The following GALNT13 variants were observed in gnomAD, a reference collection of about 807,000 sequenced individuals.
The protein encoded by GALNT13 is polypeptide N-acetylgalactosaminyltransferase 13.
GALNT13 carries 28 observed loss-of-function variants against 64.2 expected under a neutral mutation model. The observed-to-expected ratio is 0.44, with a 90% CI of 0.32 to 0.60. The LOEUF is 0.60. Among genes scored for constraint, GALNT13 ranks in the 20% least tolerant of loss-of-function variants. The pLI is 0.05. For missense variants in GALNT13, 577 were observed against 669.8 expected (o/e 0.86, Z 1.53); for synonymous variants, 214 against 224.6 (o/e 0.95, Z 0.42).
chr2:154,216,800 CTCT>C (rs1372536833), intron 4 of GALNT13, among the ~76,000 whole-genome samples: 25 of 133,490 alleles, frequency 1.9e-4, no homozygotes, highest in Admixed American at 3.9e-4. Context: ...ATTTCTCTCT[CTCT>C]TTTTTTTTTT....
the GALNT13 span, among the ~76,000 whole-genome samples, chr2:153,476,264 C>T: frequency 6.6e-6 from 1 of 152,126 alleles, no homozygotes; most frequent in African/African-American, 2.4e-5. Context: ...ATCTTTGAGT[C>T]GTTAACATTG....
rs1558977098 is a variant in GALNT13 at position 154,133,537 on chromosome 2, TATATATATATATATATATA to T, written c.143-6799_143-6781del. On this transcript the variant is annotated intron_variant, in intron 3 of 12. Transcript: ENST00000392825. ...TTCAGTAACATAACAGACCATTTTA[TATATATATATATATATATA>T]TATATATATATATATATATATATAT... Among the ~76,000 whole-genome samples the T allele has an allele frequency of 4.2e-4, 3 of 7,214 alleles. No homozygotes were observed. In the East Asian group the frequency reaches 4.2e-3, roughly 10 times the overall value. The allele number at this position is 7,214 out of a possible 152,430, so 4.7% of individuals were successfully genotyped here. A position where few individuals can be genotyped will look rare whatever the true frequency, so the allele number is the denominator to read the frequency against.
At chr2:153,144,136 C>T in the GALNT13 span, among the ~76,000 whole-genome samples, 1 of 151,988 alleles carries the variant, frequency 6.6e-6, no homozygotes, top group Admixed American at 6.6e-5. Context: ...TTTTAGAAAG[C>T]TCCATGGAAA....
chr2:153,997,716 C>T lies in GALNT13; in HGVS notation c.142+53077C>T, dbSNP rs6723007. The stretch of plus-strand genomic sequence containing the variant: ...CGTGCAGATTTGTAACATAGGTATA[C>T]ATGTACCATGGTGGGTTGCTGCACC... On this transcript the variant is annotated intron_variant, in intron 3 of 12. Coordinates refer to ENST00000392825, the MANE Select transcript of GALNT13 (RefSeq NM_052917.4). Among the ~76,000 whole-genome samples the T allele has an allele frequency of 8.1e-3, 1,228 of 152,186 alleles. 17 individuals are homozygous for T. The highest frequency in any genetic ancestry group is 0.028 in the African/African-American group (1,167 of 41,518).
At chr2:153,109,386 A>G in the GALNT13 span, among the ~76,000 whole-genome samples, 1 of 152,076 alleles carries the variant, frequency 6.6e-6, no homozygotes, top group African/African-American at 2.4e-5. Flanking sequence ...AAAGCACTAT[A>G]ATACCTGGCC....
intron 4 of GALNT13, among the ~76,000 whole-genome samples, chr2:154,227,505 A>C (rs1038366385): frequency 1.9e-5 from 2 of 106,018 alleles, no homozygotes; most frequent in Admixed American, 1.4e-4. Flanking sequence ...AACAGGCCCC[A>C]GAGTGTGATG....
At chr2:153,147,654 A>C in the GALNT13 span, among the ~76,000 whole-genome samples, 1 of 151,580 alleles carries the variant, frequency 6.6e-6, no homozygotes, top group African/African-American at 2.4e-5. Flanking sequence ...TATATAAGGC[A>C]ACATTTAAGT....
chr2:154,012,800 G>A lies in GALNT13; in HGVS notation c.142+68161G>A, dbSNP rs933103860. On this transcript the variant is annotated intron_variant, in intron 3 of 12. Transcript: ENST00000392825. ...ATATGTCTGATTGAGTTAATTTTGA[G>A]AACTAGTCTTTGAGCTCTCAGATTG... 7.2e-5 allele frequency among the ~76,000 whole-genome samples: 11 copies of A among 152,068 alleles called. 1 individual carries two copies. The East Asian group carries it at 1.2e-3, about 16-fold the overall frequency.
At chr2:154,062,552 T>A (rs989230) in intron 3 of GALNT13, among the ~76,000 whole-genome samples, 4 of 151,920 alleles carry the variant, frequency 2.6e-5, no homozygotes, top group Admixed American at 2.6e-4. Flanking sequence ...GGGAAGTAAA[T>A]ACCTCTCACC....
the GALNT13 span, among the ~76,000 whole-genome samples, chr2:153,606,608 C>A: frequency 6.6e-6 from 1 of 152,082 alleles, no homozygotes; most frequent in African/African-American, 2.4e-5. Flanking sequence ...CTGCCCTAAA[C>A]CATGATAATA....
At chr2:153,467,315 C>G in the GALNT13 span, among the ~76,000 whole-genome samples, 14 of 152,044 alleles carry the variant, frequency 9.2e-5, no homozygotes, top group Non-Finnish European at 2.1e-4. Context: ...CTAGCAGACT[C>G]TAGATCTACC....
chr2:153,291,127 T>G, the GALNT13 span, among the ~76,000 whole-genome samples: 1 of 152,234 alleles, frequency 6.6e-6, no homozygotes, highest in Non-Finnish European at 1.5e-5. Flanking sequence ...CCACTAATAC[T>G]GACTGTGGCC....
the GALNT13 span, among the ~76,000 whole-genome samples, chr2:153,717,310 A>G: frequency 6.6e-6 from 1 of 152,194 alleles, no homozygotes; most frequent in Non-Finnish European, 1.5e-5. Context: ...CAGGGATTTC[A>G]TTCCACTTTA....
chr2:153,453,865 G>A, the GALNT13 span, among the ~76,000 whole-genome samples: 412 of 152,236 alleles, frequency 2.7e-3, 17 homozygotes, highest in East Asian at 0.073. Flanking sequence ...TAGAACCAGA[G>A]TAGGTGCCCA....
At chr2:153,107,880 T>A in the GALNT13 span, among the ~76,000 whole-genome samples, 1 of 152,160 alleles carries the variant, frequency 6.6e-6, no homozygotes, top group Non-Finnish European at 1.5e-5. Context: ...AAAATACATA[T>A]GTATAATTAA....
chr2:153,085,482 T>C, the GALNT13 span, among the ~76,000 whole-genome samples: 1 of 152,162 alleles, frequency 6.6e-6, no homozygotes, highest in African/African-American at 2.4e-5. Context: ...CTTGGTGTCC[T>C]GCATCCCAGC....
the GALNT13 span, among the ~76,000 whole-genome samples, chr2:153,270,787 G>A: frequency 2.0e-5 from 3 of 152,242 alleles, no homozygotes; most frequent in African/African-American, 7.2e-5. Flanking sequence ...GGGAGGTCGA[G>A]GCTGCAATGA....
chr2:153,765,741 C>T, the GALNT13 span, among the ~76,000 whole-genome samples: 1 of 152,054 alleles, frequency 6.6e-6, no homozygotes, highest in Non-Finnish European at 1.5e-5. Flanking sequence ...CCAAAACTCA[C>T]CTTGAAGTGT....
At chr2:153,128,576 G>T in the GALNT13 span, among the ~76,000 whole-genome samples, 1 of 152,020 alleles carries the variant, frequency 6.6e-6, no homozygotes, top group Non-Finnish European at 1.5e-5. Flanking sequence ...ACAATACAAA[G>T]AATATATCCT....
Sources: allele counts gnomAD v4.1 joint callset (sites outside exome capture counted in the v4.1 genomes callset), GRCh38; gene constraint gnomAD v4.1.1; transcripts MANE v1.5; gene names NCBI Gene and HGNC (gene_info 2026-07-23, HGNC 2026-07-21).